The following FAM149B1 variants were observed in gnomAD, a reference collection of about 807,000 sequenced individuals.
FAM149B1 encodes primary cilium assembly protein FAM149B1.
Under a neutral mutation model 75.3 loss-of-function variants are expected in FAM149B1, and 56 were observed. The ratio of observed to expected loss-of-function variants is 0.74; its 90% CI spans 0.60 to 0.93. FAM149B1 has a LOEUF of 0.93. Among genes scored for constraint, FAM149B1 ranks in the 40% least tolerant of loss-of-function variants. The pLI is 0.00. For synonymous variants in FAM149B1, 259 were observed against 256.1 expected, an observed-to-expected ratio of 1.01 and a Z score of -0.11; for missense variants, 639 against 708.4, an observed-to-expected ratio of 0.90 and a Z score of 1.11.
intron 8 of FAM149B1, among the ~76,000 whole-genome samples, chr10:73,229,092 C>A (rs2043624137): frequency 6.6e-6 from 1 of 152,016 alleles, no homozygotes; most frequent in Non-Finnish European, 1.5e-5. Context: ...GTATAAAAAT[C>A]AAACAAAAAC....
intron 3 of FAM149B1, among the ~76,000 whole-genome samples, chr10:73,191,202 A>G (rs1052698914): frequency 6.6e-6 from 1 of 151,360 alleles, no homozygotes; most frequent in African/African-American, 2.4e-5. Flanking sequence ...CGTGACGCCC[A>G]GCTAATTTTG....
intron 7 of FAM149B1, among the ~76,000 whole-genome samples, chr10:73,217,566 G>C (rs2043325135): frequency 6.6e-6 from 1 of 152,124 alleles, no homozygotes; most frequent in South Asian, 2.1e-4. Flanking sequence ...TTACACTTTT[G>C]TGTATTCTTA....
At chr10:73,227,389 T>C (rs1197279447) in intron 7 of FAM149B1, among the ~76,000 whole-genome samples, 1 of 152,198 alleles carries the variant, frequency 6.6e-6, no homozygotes, top group African/African-American at 2.4e-5. Flanking sequence ...CCAGCCTGCT[T>C]GGTCATTTGT....
At chr10:73,224,471 CT>C (rs1178386006) in intron 7 of FAM149B1, among the ~76,000 whole-genome samples, 1,456 of 135,350 alleles carry the variant, frequency 0.011, 17 homozygotes, top group East Asian at 0.063. Flanking sequence ...ATTATTACAA[CT>C]TTTTTTTTTT....
At chr10:73,188,753 GGAGGGAA>G in intron 3 of FAM149B1, among the ~76,000 whole-genome samples, 1 of 107,698 alleles carries the variant, frequency 9.3e-6, no homozygotes, top group Admixed American at 1.1e-4. Flanking sequence ...AAGGAAGGAA[GGAGGGAA>G]GGAAGGAAGG....
intron 7 of FAM149B1, among the ~76,000 whole-genome samples, chr10:73,212,030 T>A (rs917512721): frequency 2.0e-5 from 3 of 152,238 alleles, no homozygotes; most frequent in African/African-American, 7.2e-5. Flanking sequence ...CTTTCACTTA[T>A]AAGTGAGAAC....
intron 7 of FAM149B1, among the ~76,000 whole-genome samples, chr10:73,224,558 G>A (rs1302054632): frequency 2.8e-5 from 4 of 144,826 alleles, no homozygotes; most frequent in Admixed American, 1.4e-4. Context: ...TGCAAGCTCC[G>A]CCTCCTGGGT....
chr10:73,194,222 A>G (rs1330733437), intron 5 of FAM149B1, among the ~76,000 whole-genome samples: 2 of 152,078 alleles, frequency 1.3e-5, no homozygotes, highest in African/African-American at 4.8e-5. Context: ...GCTTAAGGAT[A>G]TTCTTATTAT....
At chr10:73,194,242 T>A (rs971821257) in intron 5 of FAM149B1, among the ~76,000 whole-genome samples, 1 of 152,160 alleles carries the variant, frequency 6.6e-6, no homozygotes, top group African/African-American at 2.4e-5. Flanking sequence ...TTCAGGTCTA[T>A]ATATCTATAT....
intron 6 of FAM149B1, 29 bp from the exon 7 acceptor site, chr10:73,210,222 G>T: frequency 2.0e-6 from 3 of 1,496,460 alleles, no homozygotes; most frequent in Non-Finnish European, 1.8e-6. Context: ...TCAGCATCAT[G>T]AAGTCTTTCC....
At position 73,243,191 on chromosome 10, in the gene FAM149B1, A is replaced by C; in HGVS notation, c.*2172A>C. 1.8e-6 allele frequency: 1 copy of C among 540,834 alleles called. No individual in the cohort carries two copies. The highest frequency in any genetic ancestry group is 3.2e-6 in the Non-Finnish European group (1 of 307,946). The allele number at this position is 540,834 out of a possible 1,614,324, so 33.5% of individuals were successfully genotyped here. ...CCAAATGTCACCACCAAGTTCCTTCAGGTGAGACCTCACACAATGTCAAGT... is the reference window on the plus strand; with the variant it reads ...CCAAATGTCACCACCAAGTTCCTTCCGGTGAGACCTCACACAATGTCAAGT... On this transcript the variant is annotated 3_prime_UTR_variant, in exon 14 of 14. Transcript: ENST00000242505.
chr10:73,215,545 G>A (rs911617099), intron 7 of FAM149B1, among the ~76,000 whole-genome samples: 2 of 152,024 alleles, frequency 1.3e-5, no homozygotes, highest in Non-Finnish European at 2.9e-5. Context: ...TTTGATATAA[G>A]CATTTATTGC....
chr10:73,226,580 C>A (rs959701903), intron 7 of FAM149B1, among the ~76,000 whole-genome samples: 4 of 152,150 alleles, frequency 2.6e-5, no homozygotes, highest in Admixed American at 6.5e-5. Flanking sequence ...TATTTAGATT[C>A]TTGGCTAGTT....
At chr10:73,170,038 CTATTTAATT>C (rs1343702113) in intron 1 of FAM149B1, among the ~76,000 whole-genome samples, 3 of 146,518 alleles carry the variant, frequency 2.0e-5, no homozygotes, top group African/African-American at 8.0e-5. Flanking sequence ...TAATTATTAA[CTATTTAATT>C]TATTAAATAT....
chr10:73,184,193 T>G (rs2042466231), intron 3 of FAM149B1, among the ~76,000 whole-genome samples: 1 of 152,002 alleles, frequency 6.6e-6, no homozygotes, highest in African/African-American at 2.4e-5. Context: ...GAATTTGAAC[T>G]AAGACAAAAT....
At chr10:73,168,416 G>GGGCGGGC in intron 1 of FAM149B1, 30 bp downstream of exon 1, 1 of 1,548,320 alleles carries the variant, frequency 6.5e-7, no homozygotes, top group African/African-American at 1.4e-5. Flanking sequence ...ACCCCAGCCG[G>GGGCGGGC]GGCGGGCGGC....
chr10:73,200,997 CT>C (rs148997761), intron 5 of FAM149B1: 8,482 of 327,360 alleles, frequency 0.026, 568 homozygotes, highest in African/African-American at 0.15. Context: ...TCACTATTTA[CT>C]TGTTGGCACG....
At chr10:73,232,284 ATTATT>A (rs1188748925) in intron 9 of FAM149B1, among the ~76,000 whole-genome samples, 2 of 152,318 alleles carry the variant, frequency 1.3e-5, no homozygotes, top group Admixed American at 1.3e-4. Context: ...TAGGTGTGGT[ATTATT>A]TTATTTATTG....
At chr10:73,240,388 A>G (rs1219610937) in intron 13 of FAM149B1, among the ~76,000 whole-genome samples, 1 of 152,184 alleles carries the variant, frequency 6.6e-6, no homozygotes, top group Non-Finnish European at 1.5e-5. Flanking sequence ...TCAGATCTGC[A>G]TTTGAGCTAC....
Sources: allele counts gnomAD v4.1 joint callset (sites outside exome capture counted in the v4.1 genomes callset), GRCh38; gene constraint gnomAD v4.1.1; transcripts MANE v1.5; gene names NCBI Gene and HGNC (gene_info 2026-07-23, HGNC 2026-07-21).